HS3ST4: variants seen among roughly 807,000 people sequenced by gnomAD.
HS3ST4 encodes heparan sulfate glucosamine 3-O-sulfotransferase 4.
Under a neutral mutation model 29.2 loss-of-function variants are expected in HS3ST4, and 17 were observed. The ratio of observed to expected loss-of-function variants is 0.58; its 90% CI spans 0.40 to 0.87. The LOEUF is 0.87. Among genes scored for constraint, HS3ST4 ranks in the 40% least tolerant of loss-of-function variants. HS3ST4 has a pLI of 0.00. For synonymous variants in HS3ST4, 314 were observed against 285.7 expected, an observed-to-expected ratio of 1.10 and a Z score of -1.00; for missense variants, 627 against 634.5, an observed-to-expected ratio of 0.99 and a Z score of 0.13.
chr16:25,890,259 C>T (rs573831303), intron 1 of HS3ST4, among the ~76,000 whole-genome samples: 17 of 152,228 alleles, frequency 1.1e-4, no homozygotes, highest in East Asian at 5.8e-4. Context: ...TACCTTTGTC[C>T]GACTCTAAAT....
chr16:25,921,232 C>T (rs1968349670), intron 1 of HS3ST4, among the ~76,000 whole-genome samples: 1 of 152,178 alleles, frequency 6.6e-6, no homozygotes, highest in Non-Finnish European at 1.5e-5. Context: ...AATTACGATA[C>T]AGTCTCAAAT....
intron 1 of HS3ST4, among the ~76,000 whole-genome samples, chr16:25,704,084 G>T (rs1966356310): frequency 6.6e-6 from 1 of 152,096 alleles, no homozygotes; most frequent in Non-Finnish European, 1.5e-5. Flanking sequence ...CTCAATGCAT[G>T]GTGATTTATT....
intron 1 of HS3ST4, among the ~76,000 whole-genome samples, chr16:25,731,184 A>G (rs1966567868): frequency 6.6e-6 from 1 of 152,192 alleles, no homozygotes; most frequent in Non-Finnish European, 1.5e-5. Flanking sequence ...GACTGATCTT[A>G]GCTATCAGTC....
intron 1 of HS3ST4, among the ~76,000 whole-genome samples, chr16:25,862,343 C>T (rs544455607): frequency 3.3e-5 from 5 of 152,286 alleles, no homozygotes; most frequent in Admixed American, 3.3e-4. Flanking sequence ...CAGGCACATG[C>T]CTCCATGCCT....
chr16:25,734,247 ATC>A (rs755338625), intron 1 of HS3ST4, among the ~76,000 whole-genome samples: 8 of 152,254 alleles, frequency 5.3e-5, no homozygotes, highest in Non-Finnish European at 1.2e-4. Context: ...AAAGCCAGAA[ATC>A]TGAATTTTTA....
chr16:26,016,266 G>A (rs749100095), intron 1 of HS3ST4, among the ~76,000 whole-genome samples: 73 of 152,112 alleles, frequency 4.8e-4, no homozygotes, highest in Non-Finnish European at 8.7e-4. Flanking sequence ...GTCACTCCAG[G>A]CTCCAAATAT....
At chr16:26,012,852 A>G (rs796118411) in intron 1 of HS3ST4, among the ~76,000 whole-genome samples, 3 of 152,248 alleles carry the variant, frequency 2.0e-5, no homozygotes, top group African/African-American at 7.2e-5. Flanking sequence ...GGACTGAACA[A>G]TGAGCTGGAG....
chr16:26,104,600 C>T (rs1488676538), intron 1 of HS3ST4, among the ~76,000 whole-genome samples: 2 of 152,176 alleles, frequency 1.3e-5, no homozygotes, highest in South Asian at 2.1e-4. Context: ...CAGCTAGTTT[C>T]GTGGCTTCAA....
chr16:26,119,611 A>G (rs867935693), intron 1 of HS3ST4, among the ~76,000 whole-genome samples: 7 of 152,060 alleles, frequency 4.6e-5, no homozygotes, highest in Admixed American at 2.0e-4. Context: ...TAGGAAATCT[A>G]TTGGGTATAA....
Position 25,831,396 on chromosome 16 carries a change from TACACACACACACACACACACACAC to T in HS3ST4, c.734+138269_734+138292del, listed in dbSNP as rs58851793. On this transcript the variant is annotated intron_variant, in intron 1 of 1. Transcript: ENST00000331351. ...GGGCAACATAATGAGACCCCGTCTCTACACACACACACACACACACACACACACACACACACACACACACACAAA... is the reference window on the plus strand; with the variant it reads ...GGGCAACATAATGAGACCCCGTCTCTACACACACACACACACACACACAAA... Among the ~76,000 whole-genome samples the T allele has an allele frequency of 3.7e-3, 471 of 126,140 alleles. 5 individuals are homozygous for T. Among genetic ancestry groups the T allele is most frequent in the African/African-American group, 0.014 (451 of 32,008 alleles). 82.8% of individuals were successfully genotyped at this position (126,140 alleles called of 152,430 possible).
At chr16:26,051,218 G>A (rs1330577733) in intron 1 of HS3ST4, among the ~76,000 whole-genome samples, 1 of 152,110 alleles carries the variant, frequency 6.6e-6, no homozygotes, top group Non-Finnish European at 1.5e-5. Context: ...GGGGTGGGGA[G>A]TGGGGAGAAA....
chr16:25,983,353 C>T (rs1331450962), intron 1 of HS3ST4, among the ~76,000 whole-genome samples: 1 of 152,194 alleles, frequency 6.6e-6, no homozygotes, highest in African/African-American at 2.4e-5. Flanking sequence ...AAAATAATAA[C>T]ACCTACATCT....
rs139071408 is a variant in HS3ST4, at chr16:26,057,710, C to T, written c.735-77902C>T. Among the ~76,000 whole-genome samples, 207 of 152,140 alleles carry T rather than the reference C, an allele frequency of 1.4e-3. 2 individuals are homozygous for T. The Middle Eastern group carries it at 0.027, about 20-fold the overall frequency. On this transcript the variant is annotated intron_variant, in intron 1 of 1. Coordinates refer to ENST00000331351, the MANE Select transcript of HS3ST4 (RefSeq NM_006040.3). The stretch of plus-strand genomic sequence containing the variant: ...AGTGAGCCAAGATCGCTCCACTGCA[C>T]TCTAGCCTGGTGACAGAATGAGGCT...
intron 1 of HS3ST4, among the ~76,000 whole-genome samples, chr16:25,854,751 C>T (rs1351461966): frequency 6.6e-6 from 1 of 151,178 alleles, no homozygotes; most frequent in African/African-American, 2.4e-5. Flanking sequence ...TTACTGGAGC[C>T]CTTGGTGTGG....
intron 1 of HS3ST4, among the ~76,000 whole-genome samples, chr16:25,915,827 C>G (rs1184344431): frequency 6.6e-6 from 1 of 152,286 alleles, no homozygotes; most frequent in East Asian, 1.9e-4. Context: ...TTAAAATAGA[C>G]TCAGCTTCTG....
chr16:25,826,647 AT>A (rs552890019), intron 1 of HS3ST4, among the ~76,000 whole-genome samples: 30 of 152,300 alleles, frequency 2.0e-4, no homozygotes, highest in African/African-American at 7.2e-4. Flanking sequence ...CTAGGGCACT[AT>A]AAAAAAAAGG....
At chr16:25,936,573 A>C (rs912842607) in intron 1 of HS3ST4, among the ~76,000 whole-genome samples, 1 of 152,242 alleles carries the variant, frequency 6.6e-6, no homozygotes, top group Non-Finnish European at 1.5e-5. Context: ...GAATTTAGCG[A>C]GTAATTAATA....
chr16:25,736,268 A>G (rs753203095), intron 1 of HS3ST4, among the ~76,000 whole-genome samples: 1 of 152,208 alleles, frequency 6.6e-6, no homozygotes, highest in Non-Finnish European at 1.5e-5. Context: ...CTTTGTCATC[A>G]TGTCTCTGCA....
chr16:25,740,333 GA>G (rs1348369063), intron 1 of HS3ST4, among the ~76,000 whole-genome samples: 5 of 152,126 alleles, frequency 3.3e-5, no homozygotes, highest in Non-Finnish European at 5.9e-5. Context: ...TACTCTGACA[GA>G]AAAAAAGATA....
Sources: gnomAD v4.1 joint callset for allele counts (sites outside exome capture counted in the v4.1 genomes callset) on GRCh38, gnomAD v4.1.1 for gene constraint, MANE v1.5 for transcripts, NCBI Gene and HGNC (gene_info 2026-07-23, HGNC 2026-07-21) for gene names.